DRC3: variants seen among roughly 807,000 people sequenced by gnomAD.
The protein encoded by DRC3 is leucine rich repeat containing 48.
In DRC3, 45 loss-of-function variants were observed where a neutral mutation model predicts 57.6. That is an observed-to-expected ratio of 0.78 (90% CI 0.62 to 1.00). DRC3 has a LOEUF of 1.00. Among genes scored for constraint, DRC3 ranks in the 50% least tolerant of loss-of-function variants. The pLI, the probability that DRC3 is intolerant of heterozygous loss-of-function variation, is 0.00. For missense variants in DRC3, 655 were observed against 675.2 expected (o/e 0.97, Z 0.33); for synonymous variants, 257 against 272.3 (o/e 0.94, Z 0.55).
chr17:18,006,996 C>A lies in DRC3; in HGVS notation c.1203-28C>A, dbSNP rs377138070. ...AGGGACGCGCCGGGCCTGCTCCTCC[C>A]GGGCCTTTGCTTAACTCGGGGCTGC... On this transcript the variant is annotated intron_variant, in intron 11 of 13. Transcript: ENST00000399187. 2.9e-5 allele frequency: 46 copies of A among 1,611,570 alleles called. No individual in the cohort carries two copies. The African/African-American group carries it at 5.5e-4, about 19-fold the overall frequency.
rs78284818 is a variant in DRC3, at chr17:18,007,677, C to T, written c.1326+530C>T. The T allele has an allele frequency of 2.0e-3, 2,680 of 1,337,772 alleles. 24 individuals are homozygous for T. The East Asian group carries it at 0.028, about 14-fold the overall frequency. The allele number at this position is 1,337,772 out of a possible 1,614,324, so 82.9% of individuals were successfully genotyped here. On this transcript the variant is annotated intron_variant, in intron 12 of 13. Transcript: ENST00000399187. ...GGTCTGCACGCTAAGAAGGCTCTCC[C>T]GGATGTCTGCGCTGGGTCCCGCGGC...
chr17:18,007,559 T>C (rs2145431585), intron 12 of DRC3: 2 of 1,506,366 alleles, frequency 1.3e-6, no homozygotes, highest in Non-Finnish European at 1.8e-6. Context: ...TTTCTGATCC[T>C]GCACAATGCC....
chr17:17,999,611 A>G (rs1262338317), intron 9 of DRC3, among the ~76,000 whole-genome samples: 4 of 152,226 alleles, frequency 2.6e-5, no homozygotes, highest in Admixed American at 6.5e-5. Context: ...TTTCAGGGTC[A>G]TGCTGCAGCC....
At position 18,004,457 on chromosome 17, in the gene DRC3, T is replaced by C. The variant is rs1457261451; in HGVS notation, c.1094T>C (p.Leu365Pro). ...SADISELFDALMTLEMQLVEQ... is the reference protein window; with the variant it reads ...SADISELFDAPMTLEMQLVEQ... ...GACATCAGTGAGTTGTTCGATGCGC[T>C]CATGACGCTGGAGATGCAGCTGGTG... Residue 365 changes from leucine to proline, a missense_variant, in exon 10 of 14, where the codon CTC (leucine) becomes CCC (proline). Physicochemically the swap from Leu to Pro is moderately conservative, Grantham distance 98. Transcript: ENST00000399187. 6.2e-7 allele frequency: 1 copy of C among 1,611,496 alleles called. No homozygotes were observed. Among genetic ancestry groups the C allele is most frequent in the South Asian group, 1.1e-5 (1 of 90,238 alleles).
intron 3 of DRC3, among the ~76,000 whole-genome samples, chr17:17,980,388 G>A (rs976946424): frequency 1.3e-5 from 2 of 151,756 alleles, no homozygotes; most frequent in African/African-American, 4.8e-5. Flanking sequence ...TCTGCCTCCT[G>A]AGTTCAAGCA....
chr17:17,997,510 T>C lies in DRC3; in HGVS notation c.875T>C (p.Leu292Pro). Residue 292 changes from leucine (L) to proline (P), a missense_variant, in exon 9 of 14, where the codon CTG becomes CCG. By Grantham distance (98) the Leu-to-Pro change is moderately conservative. Coordinates refer to ENST00000399187, the MANE Select transcript of DRC3 (RefSeq NM_031294.4). ...TGCGTGAATATTTTTGAGTATGGCC[T>C]GAAACAGCAGGAGAAGCGGAAAACA... ...IICVNIFEYG[L>P]KQQEKRKTEL... The C allele has an allele frequency of 6.2e-7, 1 of 1,612,772 alleles. No individual in the cohort carries two copies. Among genetic ancestry groups the C allele is most frequent in the African/African-American group, 1.3e-5 (1 of 74,986 alleles).
intron 12 of DRC3, among the ~76,000 whole-genome samples, chr17:18,012,067 G>A (rs990831185): frequency 6.6e-6 from 1 of 152,186 alleles, no homozygotes; most frequent in Non-Finnish European, 1.5e-5. Context: ...GACCTCAAGT[G>A]ATCCGCCCAC....
chr17:18,007,875 A>G, intron 12 of DRC3: 7 of 1,004,268 alleles, frequency 7.0e-6, no homozygotes, highest in African/African-American at 3.5e-5. Flanking sequence ...CCACCAAGGC[A>G]AGCCACCATC....
Position 17,992,837 on chromosome 17 carries a change from G to T in DRC3, c.517G>T (p.Asp173Tyr). 1 of 1,613,962 alleles carries T rather than the reference G, an allele frequency of 6.2e-7. No homozygotes were observed. The highest frequency in any genetic ancestry group is 8.5e-7 in the Non-Finnish European group (1 of 1,179,878). Residue 173 changes from aspartate (D) to tyrosine (Y), a missense_variant, in exon 6 of 14, where the codon GAT (aspartate) becomes TAT (tyrosine). Coordinates refer to ENST00000399187, the MANE Select transcript of DRC3 (RefSeq NM_031294.4). ...LSRNPISEAE[D>Y]YKMFICAYLP... The stretch of plus-strand genomic sequence containing the variant: ...TAGGAACCCTATCTCTGAGGCAGAG[G>T]ATTACAAGATGTTCATCTGTGCCTA...
chr17:18,001,368 T>C (rs1158411833), intron 9 of DRC3, among the ~76,000 whole-genome samples: 3 of 151,784 alleles, frequency 2.0e-5, no homozygotes, highest in African/African-American at 7.3e-5. Flanking sequence ...GCCAGGGTGG[T>C]GATGCATGCC....
chr17:17,973,178 T>TTA (rs2042210210), intron 1 of DRC3: 1 of 127,420 alleles, frequency 7.8e-6, no homozygotes, highest in Admixed American at 8.1e-5. Context: ...AGCTTTTGAA[T>TTA]AAAAAAAAAA....
chr17:18,004,463 C>T lies in DRC3; in HGVS notation c.1100C>T (p.Thr367Met), dbSNP rs367586446. The part of the protein sequence containing the change: ...DISELFDALM[T>M]LEMQLVEQLE... ...AGTGAGTTGTTCGATGCGCTCATGA[C>T]GCTGGAGATGCAGCTGGTGGAGCAG... Residue 367 changes from threonine (T) to methionine (M), a missense_variant, in exon 10 of 14, where the codon ACG (threonine) becomes ATG (methionine). Coordinates refer to ENST00000399187, the MANE Select transcript of DRC3 (RefSeq NM_031294.4). 2.0e-5 allele frequency: 32 copies of T among 1,611,384 alleles called. No homozygotes were observed. The African/African-American group carries it at 3.9e-4, about 19-fold the overall frequency.
At chr17:18,009,699 CAGA>C (rs1307084607) in intron 12 of DRC3, among the ~76,000 whole-genome samples, 72 of 152,256 alleles carry the variant, frequency 4.7e-4, no homozygotes, top group African/African-American at 1.7e-3. Flanking sequence ...TGGGGATGTT[CAGA>C]GGAGGGACTA....
intron 5 of DRC3, among the ~76,000 whole-genome samples, chr17:17,991,996 C>T (rs1261157827): frequency 1.3e-5 from 2 of 152,100 alleles, no homozygotes; most frequent in South Asian, 2.1e-4. Context: ...AAAATAGGGC[C>T]GGGCGCGGTG....
intron 2 of DRC3, 52 bp from the exon 3 acceptor site, chr17:17,977,530 C>T (rs2042444374): frequency 6.2e-7 from 1 of 1,605,498 alleles, no homozygotes; most frequent in Non-Finnish European, 8.5e-7. Flanking sequence ...CAGACCCTGC[C>T]CTCAAACAGA....
At chr17:17,994,032 GC>G in intron 6 of DRC3, 1 of 393,732 alleles carries the variant, frequency 2.5e-6, no homozygotes, top group Non-Finnish European at 4.8e-6. Flanking sequence ...CCTGGAGATG[GC>G]CCCGGGAACC....
chr17:17,976,944 G>A (rs571958636), intron 2 of DRC3, among the ~76,000 whole-genome samples: 1 of 152,106 alleles, frequency 6.6e-6, no homozygotes, highest in East Asian at 1.9e-4. Context: ...TACCCAGCCA[G>A]CCCACACTCC....
chr17:17,985,311 C>T (rs116014691), intron 4 of DRC3, among the ~76,000 whole-genome samples: 61 of 152,374 alleles, frequency 4.0e-4, no homozygotes, highest in South Asian at 8.3e-4. Context: ...TGGCCATCCA[C>T]GCTTCCAAGG....
At position 18,014,375 on chromosome 17, in the gene DRC3, A is replaced by G. The variant is rs1192323878; in HGVS notation, c.1327-1689A>G. Among the ~76,000 whole-genome samples, 3 of 152,386 alleles carry G rather than the reference A, an allele frequency of 2.0e-5. No individual in the cohort carries two copies. In the East Asian group the frequency reaches 5.8e-4, roughly 29 times the overall value. ...CTCCACCCTAGTGCTTTCAACCTGC[A>G]GAAACTGGAGAGGGATCTGGAATAT... On this transcript the variant is annotated intron_variant, in intron 12 of 13. Transcript: ENST00000399187.
Sources: allele counts gnomAD v4.1 joint callset (sites outside exome capture counted in the v4.1 genomes callset), GRCh38; gene constraint gnomAD v4.1.1; transcripts MANE v1.5; gene names NCBI Gene and HGNC (gene_info 2026-07-23, HGNC 2026-07-21).